CLSTN2: variants seen among roughly 807,000 people sequenced by gnomAD.
CLSTN2 encodes the protein calsyntenin-2.
A neutral mutation model predicts 101.2 loss-of-function variants in CLSTN2; 48 were observed. The observed-to-expected ratio is 0.47, with a 90% confidence interval of 0.38 to 0.60. The LOEUF (loss-of-function observed/expected upper bound fraction) is 0.60. Among genes scored for constraint, CLSTN2 ranks in the 20% least tolerant of loss-of-function variants. The pLI is 0.00. For synonymous variants in CLSTN2, 481 were observed against 463.6 expected (o/e 1.04, Z -0.48); for missense variants, 1,160 against 1,238.2 (o/e 0.94, Z 0.95).
chr3:140,527,006 C>T (rs946785530), intron 8 of CLSTN2, among the ~76,000 whole-genome samples: 7 of 152,028 alleles, frequency 4.6e-5, no homozygotes, highest in South Asian at 2.1e-4. Flanking sequence ...AAGAACTACC[C>T]TTCTCAACAT....
At chr3:140,042,491 G>A (rs2007780357) in intron 1 of CLSTN2, among the ~76,000 whole-genome samples, 1 of 152,070 alleles carries the variant, frequency 6.6e-6, no homozygotes, top group Admixed American at 6.6e-5. Flanking sequence ...ATGGGCCCTA[G>A]CCCAGATGCT....
rs78520218 is a variant in CLSTN2 at position 139,968,308 on chromosome 3, TC to T, written c.109+32826del. Among the ~76,000 whole-genome samples, 89 of 152,350 alleles carry T rather than the reference TC, an allele frequency of 5.8e-4. 1 individual carries two copies. In the East Asian group the frequency reaches 0.016, roughly 28 times the overall value. On this transcript the variant is annotated intron_variant, in intron 1 of 16. Transcript: ENST00000458420. ...TGAGGATTGGTCTTCAAACCTGTTC[TC>T]TTCTGCAAGTCCCTCTCCTGTGTCC...
At chr3:140,076,731 A>G (rs915775856) in intron 1 of CLSTN2, among the ~76,000 whole-genome samples, 5 of 146,846 alleles carry the variant, frequency 3.4e-5, no homozygotes, top group African/African-American at 1.3e-4. Flanking sequence ...TAGGAACTCT[A>G]CAGCAGTGAA....
intron 2 of CLSTN2, among the ~76,000 whole-genome samples, chr3:140,382,366 G>T (rs9828897): frequency 0.93 from 141,491 of 152,230 alleles, 66,645 homozygotes; most frequent in East Asian, 1. Flanking sequence ...ATCCTGTGAA[G>T]GGAAACAGTC....
intron 2 of CLSTN2, among the ~76,000 whole-genome samples, chr3:140,199,531 G>A (rs2010691723): frequency 6.6e-6 from 1 of 152,214 alleles, no homozygotes; most frequent in Non-Finnish European, 1.5e-5. Context: ...ATCCTCTCTG[G>A]TGGTAAGAAT....
rs558736778 is a variant in CLSTN2, at chr3:140,153,875, CAAG to C, written c.110-22071_110-22069del. 5.6e-4 allele frequency among the ~76,000 whole-genome samples: 85 copies of C among 152,238 alleles called. 2 individuals carry two copies. The highest frequency in any genetic ancestry group is 1.9e-3 in the African/African-American group (80 of 41,542). ...ACAGCTGAGTCAGGAAGGGGATCTA[CAAG>C]AAGAGAGCTCATGTCTGAAGCTTTT... On this transcript the variant is annotated intron_variant, in intron 1 of 16. Coordinates refer to ENST00000458420, the MANE Select transcript of CLSTN2 (RefSeq NM_022131.3).
rs146950639 is a variant in CLSTN2 at position 140,209,442 on chromosome 3, C to T, written c.232+33369C>T. 3.1e-3 allele frequency among the ~76,000 whole-genome samples: 466 copies of T among 152,118 alleles called. 9 individuals are homozygous for T. The highest frequency in any genetic ancestry group is 5.6e-3 in the East Asian group (29 of 5,182). ...TTAAAAAATTTCCATTTCATTGGTG[C>T]GAGATAGCTGCGAGATAGCACTCTC... On this transcript the variant is annotated intron_variant, in intron 2 of 16. Coordinates refer to ENST00000458420, the MANE Select transcript of CLSTN2 (RefSeq NM_022131.3).
At chr3:140,488,696 C>G (rs1934284964) in intron 8 of CLSTN2, among the ~76,000 whole-genome samples, 1 of 125,960 alleles carries the variant, frequency 7.9e-6, no homozygotes, top group African/African-American at 3.0e-5. Flanking sequence ...GTCACTGGAG[C>G]AGGGAGTATA....
chr3:140,399,138 A>G (rs2088214782), intron 2 of CLSTN2, among the ~76,000 whole-genome samples: 1 of 152,228 alleles, frequency 6.6e-6, no homozygotes, highest in Non-Finnish European at 1.5e-5. Context: ...TCCACACACA[A>G]TTCCTGGCAC....
chr3:140,290,883 G>A (rs1273461219), intron 2 of CLSTN2, among the ~76,000 whole-genome samples: 3 of 152,006 alleles, frequency 2.0e-5, no homozygotes, highest in African/African-American at 7.2e-5. Flanking sequence ...TGCCTTTCAG[G>A]GCTAATTTTT....
chr3:140,532,344 C>T lies in CLSTN2; in HGVS notation c.1365C>T (p.His455=), dbSNP rs192679390. The change falls in exon 9 of 17, where the codon CAC becomes CAT. Residue 455 remains histidine, a synonymous_variant. Coordinates refer to ENST00000458420, the MANE Select transcript of CLSTN2 (RefSeq NM_022131.3). ...KLDQICDKEW[H]YYVINVEFPV... is the part of the protein sequence containing the mutation. ...CTTAGATTTGTGACAAAGAGTGGCACTACTATGTCATCAATGTGGAGTTTC... is the reference window on the plus strand; with the variant it reads ...CTTAGATTTGTGACAAAGAGTGGCATTACTATGTCATCAATGTGGAGTTTC... 1.2e-6 allele frequency: 2 copies of T among 1,606,934 alleles called. No homozygotes were observed. Among genetic ancestry groups the T allele is most frequent in the African/African-American group, 1.3e-5 (1 of 74,924 alleles).
chr3:140,141,734 C>T (rs999771398), intron 1 of CLSTN2, among the ~76,000 whole-genome samples: 2 of 152,198 alleles, frequency 1.3e-5, no homozygotes, highest in Non-Finnish European at 2.9e-5. Context: ...GGCACATGCA[C>T]GCCACATAGC....
chr3:139,973,508 C>T (rs1211427984), intron 1 of CLSTN2, among the ~76,000 whole-genome samples: 1 of 152,134 alleles, frequency 6.6e-6, no homozygotes, highest in East Asian at 1.9e-4. Context: ...GAACAAGGGC[C>T]ATCAGCTGGT....
At chr3:140,103,520 A>G (rs1169000999) in intron 1 of CLSTN2, among the ~76,000 whole-genome samples, 1 of 152,170 alleles carries the variant, frequency 6.6e-6, no homozygotes, top group African/African-American at 2.4e-5. Context: ...TTAACTTTCC[A>G]TCAGCAGCAT....
At chr3:139,944,104 G>A (rs534163121) in intron 1 of CLSTN2, among the ~76,000 whole-genome samples, 18 of 152,288 alleles carry the variant, frequency 1.2e-4, no homozygotes, top group Middle Eastern at 3.4e-3. Flanking sequence ...TATTCTGACT[G>A]CTTTATAGAT....
intron 2 of CLSTN2, among the ~76,000 whole-genome samples, chr3:140,189,411 T>C (rs2010528782): frequency 6.6e-6 from 1 of 152,216 alleles, no homozygotes. Context: ...CACCAGCATT[T>C]GATCTTGTCG....
intron 1 of CLSTN2, among the ~76,000 whole-genome samples, chr3:140,066,027 G>A (rs543096416): frequency 2.0e-5 from 3 of 152,252 alleles, no homozygotes; most frequent in South Asian, 2.1e-4. Context: ...TTATTATCCC[G>A]TTCAACAGAA....
chr3:140,214,369 G>A (rs950516408), intron 2 of CLSTN2, among the ~76,000 whole-genome samples: 9 of 151,932 alleles, frequency 5.9e-5, no homozygotes, highest in African/African-American at 1.7e-4. Flanking sequence ...CAGGAAAATC[G>A]CTTAAACCTG....
At chr3:140,237,201 T>G (rs1027180248) in intron 2 of CLSTN2, among the ~76,000 whole-genome samples, 8 of 152,164 alleles carry the variant, frequency 5.3e-5, no homozygotes, top group African/African-American at 1.7e-4. Context: ...AGACTTGTTT[T>G]TAAGCATTTT....
Sources: gnomAD v4.1 joint callset for allele counts (sites outside exome capture counted in the v4.1 genomes callset) on GRCh38, gnomAD v4.1.1 for gene constraint, MANE v1.5 for transcripts, NCBI Gene and HGNC (gene_info 2026-07-23, HGNC 2026-07-21) for gene names.